Variants in EPC2 observed in about 807,000 individuals in gnomAD.
EPC2 encodes enhancer of polycomb homolog 2.
In EPC2, 14 loss-of-function variants were observed where a neutral mutation model predicts 92.1. That is an observed-to-expected ratio of 0.15 (90% CI 0.10 to 0.24). The LOEUF (loss-of-function observed/expected upper bound fraction) is 0.24. Among genes scored for constraint, EPC2 ranks in the 10% least tolerant of loss-of-function variants. The probability of loss-of-function intolerance (pLI) is 1.00; values close to 1 mark genes in which losing one functional copy is unlikely to be tolerated. For missense variants in EPC2, 755 were observed against 971.5 expected (o/e 0.78, Z 2.96); for synonymous variants, 340 against 334.7 (o/e 1.02, Z -0.17).
At chr2:148,716,754 T>C (rs1682270392) in intron 2 of EPC2, among the ~76,000 whole-genome samples, 1 of 152,216 alleles carries the variant, frequency 6.6e-6, no homozygotes, top group African/African-American at 2.4e-5. Context: ...GCAGGCCTTA[T>C]GGAATGAACT....
chr2:148,721,890 C>CTTTCTT (rs368720620), intron 2 of EPC2, among the ~76,000 whole-genome samples: 2 of 60,734 alleles, frequency 3.3e-5, no homozygotes, highest in African/African-American at 1.3e-4. Context: ...GTTTTGATTT[C>CTTTCTT]TTTTTTTTTT....
chr2:148,656,510 A>G (rs990976508), intron 1 of EPC2, among the ~76,000 whole-genome samples: 1 of 152,198 alleles, frequency 6.6e-6, no homozygotes, highest in Non-Finnish European at 1.5e-5. Context: ...AAGCCATCCT[A>G]TTCAGGTATC....
Position 148,690,372 on chromosome 2 carries a change from G to A in EPC2, c.312G>A (p.Gln104=), listed in dbSNP as rs1681618719. 6 of 1,571,498 alleles carry A rather than the reference G, an allele frequency of 3.8e-6. No individual in the cohort carries two copies. The highest frequency in any genetic ancestry group is 4.1e-5 in the Admixed American group (2 of 49,266). Reference sequence around the variant, plus strand: ...AGCCAAAACAGTTCATTCATATTCAGCGTAAGTTTGTTAATTCATTGTTTT... The same window carrying A: ...AGCCAAAACAGTTCATTCATATTCAACGTAAGTTTGTTAATTCATTGTTTT... ...FKQPKQFIHI[Q]PFNLDNEQPD... Residue 104 remains glutamine (Q), a splice_region_variant and synonymous_variant, in exon 2 of 14, where the codon CAG becomes CAA. Coordinates refer to ENST00000258484, the MANE Select transcript of EPC2 (RefSeq NM_015630.4).
chr2:148,714,570 A>G lies in EPC2; in HGVS notation c.313+24197A>G, dbSNP rs180907003. 4.0e-3 allele frequency among the ~76,000 whole-genome samples: 604 copies of G among 152,226 alleles called. 4 individuals carry two copies. The highest frequency in any genetic ancestry group is 0.013 in the African/African-American group (558 of 41,518). The stretch of plus-strand genomic sequence containing the variant: ...CCTTTTCCTCCACAACCTTGCCAGC[A>G]TCTGTTGTTTTTTGACTTTTTAATA... On this transcript the variant is annotated intron_variant, in intron 2 of 13. Coordinates refer to ENST00000258484, the MANE Select transcript of EPC2 (RefSeq NM_015630.4).
At chr2:148,665,256 G>A (rs1047141335) in intron 1 of EPC2, among the ~76,000 whole-genome samples, 1 of 152,138 alleles carries the variant, frequency 6.6e-6, no homozygotes, top group Non-Finnish European at 1.5e-5. Flanking sequence ...AGTATTCAAG[G>A]AATGCAAAAT....
At chr2:148,691,099 C>G (rs1335070547) in intron 2 of EPC2, among the ~76,000 whole-genome samples, 1 of 152,120 alleles carries the variant, frequency 6.6e-6, no homozygotes, top group Non-Finnish European at 1.5e-5. Flanking sequence ...CCTTAATACT[C>G]TTACTTTTCT....
In EPC2 at chr2:148,723,669, G is replaced by A. The variant is rs892861182; in HGVS notation, c.314-19953G>A. Among the ~76,000 whole-genome samples the A allele has an allele frequency of 5.9e-5, 9 of 152,090 alleles. No individual in the cohort carries two copies. The South Asian group carries it at 6.2e-4, about 11-fold the overall frequency. On this transcript the variant is annotated intron_variant, in intron 2 of 13. Transcript: ENST00000258484. Reference sequence around the variant, plus strand: ...TCTAAGTTTCTTCTAAGTTTCTTACGTGCCTACCTGGAAACCAGAAGTCTT... The same window carrying A: ...TCTAAGTTTCTTCTAAGTTTCTTACATGCCTACCTGGAAACCAGAAGTCTT...
chr2:148,744,989 G>GGCC (rs1682952853), intron 3 of EPC2, among the ~76,000 whole-genome samples: 8 of 46,356 alleles, frequency 1.7e-4, no homozygotes, highest in Non-Finnish European at 2.0e-4. Flanking sequence ...CTATCAGTTT[G>GGCC]CCCCCCCCCC....
chr2:148,720,071 C>T (rs892118759), intron 2 of EPC2, among the ~76,000 whole-genome samples: 7 of 152,106 alleles, frequency 4.6e-5, no homozygotes, highest in African/African-American at 7.2e-5. Context: ...GGTAGCAGCC[C>T]TCCCCTCTCC....
intron 1 of EPC2, among the ~76,000 whole-genome samples, chr2:148,659,915 G>A (rs1411342218): frequency 6.6e-6 from 1 of 152,076 alleles, no homozygotes; most frequent in African/African-American, 2.4e-5. Flanking sequence ...AGCATATCTT[G>A]AGGTAGTTAA....
intron 1 of EPC2, 112 bp downstream of exon 1, chr2:148,645,282 C>T: frequency 1.0e-6 from 1 of 965,256 alleles, no homozygotes; most frequent in Non-Finnish European, 1.5e-6. Context: ...GCCGCTGCCG[C>T]TCTAACGCAC....
intron 1 of EPC2, among the ~76,000 whole-genome samples, chr2:148,659,814 T>C (rs1320452959): frequency 6.6e-6 from 1 of 151,678 alleles, no homozygotes; most frequent in African/African-American, 2.4e-5. Flanking sequence ...CTTTATTTAC[T>C]GTTAGGACAT....
chr2:148,777,666 C>A (rs1431926208), intron 10 of EPC2, among the ~76,000 whole-genome samples: 1 of 152,058 alleles, frequency 6.6e-6, no homozygotes, highest in East Asian at 1.9e-4. Context: ...TTTAGTTGAT[C>A]ACTAAAAAGT....
intron 2 of EPC2, among the ~76,000 whole-genome samples, chr2:148,727,466 CTATT>C (rs1014149036): frequency 1.3e-5 from 2 of 152,202 alleles, no homozygotes; most frequent in Non-Finnish European, 2.9e-5. Context: ...AATAAATACT[CTATT>C]TAACTTTTCA....
intron 10 of EPC2, 76 bp downstream of exon 10, chr2:148,771,463 T>G: frequency 7.5e-7 from 1 of 1,337,564 alleles, no homozygotes; most frequent in Admixed American, 2.3e-5. Flanking sequence ...AATTTTATCT[T>G]AACCTACTTA....
At chr2:148,740,659 A>G (rs1682864885) in intron 2 of EPC2, among the ~76,000 whole-genome samples, 2 of 152,180 alleles carry the variant, frequency 1.3e-5, no homozygotes, top group African/African-American at 4.8e-5. Context: ...GAGGTGAGTA[A>G]GATTAGGTAG....
At chr2:148,758,961 A>T (rs1055109471) in intron 4 of EPC2, among the ~76,000 whole-genome samples, 2 of 152,248 alleles carry the variant, frequency 1.3e-5, no homozygotes, top group African/African-American at 4.8e-5. Flanking sequence ...GAAAATGTTA[A>T]GATCATAATC....
At chr2:148,646,151 C>T in intron 1 of EPC2, among the ~76,000 whole-genome samples, 1 of 152,180 alleles carries the variant, frequency 6.6e-6, no homozygotes, top group East Asian at 1.9e-4. Flanking sequence ...TTCAATGAAC[C>T]TACAGTCCCG....
chr2:148,732,381 CTTTTT>C (rs752780229), intron 2 of EPC2, among the ~76,000 whole-genome samples: 1 of 132,962 alleles, frequency 7.5e-6, no homozygotes, highest in Admixed American at 7.9e-5. Flanking sequence ...TTATTTTTGT[CTTTTT>C]TTTTTTTTTT....
Sources: allele counts gnomAD v4.1 joint callset (sites outside exome capture counted in the v4.1 genomes callset), GRCh38; gene constraint gnomAD v4.1.1; transcripts MANE v1.5; gene names NCBI Gene and HGNC (gene_info 2026-07-23, HGNC 2026-07-21).